The following RAB38 variants were observed in gnomAD, a reference collection of about 807,000 sequenced individuals.
RAB38 encodes ras-related protein Rab-38.
Under a neutral mutation model 18.4 loss-of-function variants are expected in RAB38, and 15 were observed. That is an observed-to-expected ratio of 0.82 (90% CI 0.55 to 1.26). The LOEUF (loss-of-function observed/expected upper bound fraction) is 1.26, where lower values mean the gene tolerates loss of function less well. Ranked by LOEUF, RAB38 falls within the 50% of genes most tolerant of loss-of-function variation. The pLI is 0.00. For synonymous variants in RAB38, 101 were observed against 104.4 expected (o/e 0.97, Z 0.20); for missense variants, 294 against 267.4 (o/e 1.10, Z -0.69).
chr11:88,103,258 G>A, the RAB38 span, among the ~76,000 whole-genome samples: 1 of 151,838 alleles, frequency 6.6e-6, no homozygotes, highest in Non-Finnish European at 1.5e-5. Flanking sequence ...TAAACTTATT[G>A]ACAAGCATTT....
Position 88,113,804 on chromosome 11 carries a change from T to C in RAB38, c.*184A>G. 4.2e-6 allele frequency: 3 copies of C among 712,506 alleles called. No individual in the cohort carries two copies. Among genetic ancestry groups the C allele is most frequent in the Non-Finnish European group, 6.8e-6 (3 of 442,076 alleles). The allele number at this position is 712,506 out of a possible 1,614,324, so 44.1% of individuals were successfully genotyped here. ...TTTCAAAAGTTTGTAAACACTGTGA[T>C]GATGGTGAGGAAAGCATAGAAAGAA... On this transcript the variant is annotated 3_prime_UTR_variant, in exon 3 of 3. Coordinates refer to ENST00000243662, the MANE Select transcript of RAB38 (RefSeq NM_022337.3).
the RAB38 span, among the ~76,000 whole-genome samples, chr11:87,807,202 A>G: frequency 1.3e-5 from 2 of 152,254 alleles, no homozygotes; most frequent in Admixed American, 6.5e-5. Context: ...ATTGTCTTCC[A>G]TGAAACCAGT....
At chr11:88,004,732 A>C in the RAB38 span, among the ~76,000 whole-genome samples, 2 of 151,366 alleles carry the variant, frequency 1.3e-5, no homozygotes, top group Non-Finnish European at 3.0e-5. Context: ...TCACATAAAA[A>C]TTTTCAAGTA....
chr11:87,974,670 T>C, the RAB38 span, among the ~76,000 whole-genome samples: 55 of 142,992 alleles, frequency 3.8e-4, no homozygotes, highest in Non-Finnish European at 6.6e-4. Context: ...CAAAAAATCA[T>C]AGTAGGATTT....
At chr11:87,887,881 C>G in the RAB38 span, among the ~76,000 whole-genome samples, 1,086 of 151,784 alleles carry the variant, frequency 7.2e-3, 8 homozygotes, top group Non-Finnish European at 0.01. Context: ...TAAGAAAAAC[C>G]AGTTTGACTA....
chr11:88,012,745 C>A, the RAB38 span, among the ~76,000 whole-genome samples: 1 of 152,062 alleles, frequency 6.6e-6, no homozygotes, highest in African/African-American at 2.4e-5. Flanking sequence ...TATATTTAGT[C>A]AAACTCCTCC....
At chr11:88,151,541 G>A (rs35537891) in intron 1 of RAB38, among the ~76,000 whole-genome samples, 3,389 of 152,256 alleles carry the variant, frequency 0.022, 126 homozygotes, top group African/African-American at 0.075. Flanking sequence ...TTTATGTTAA[G>A]AGTCTTATAA....
chr11:88,120,505 T>C (rs140614299), intron 2 of RAB38, among the ~76,000 whole-genome samples: 338 of 152,334 alleles, frequency 2.2e-3, no homozygotes, highest in Middle Eastern at 0.014. Context: ...TGCCCTATTG[T>C]ATGAAAGTTA....
chr11:87,922,835 G>A, the RAB38 span, among the ~76,000 whole-genome samples: 1 of 151,328 alleles, frequency 6.6e-6, no homozygotes, highest in South Asian at 2.1e-4. Context: ...GGGAGGGGAG[G>A]AAAAGACAGC....
At chr11:87,949,679 T>C in the RAB38 span, among the ~76,000 whole-genome samples, 2 of 152,232 alleles carry the variant, frequency 1.3e-5, no homozygotes, top group Non-Finnish European at 2.9e-5. Flanking sequence ...GGTTGTTCAG[T>C]TTCCATGTAG....
intron 2 of RAB38, among the ~76,000 whole-genome samples, chr11:88,130,671 G>A (rs1215504362): frequency 6.6e-6 from 1 of 152,090 alleles, no homozygotes; most frequent in Non-Finnish European, 1.5e-5. Flanking sequence ...AAGTAAAATG[G>A]CTAGATTTGT....
the RAB38 span, among the ~76,000 whole-genome samples, chr11:87,864,732 A>G: frequency 6.6e-6 from 1 of 151,822 alleles, no homozygotes; most frequent in Non-Finnish European, 1.5e-5. Context: ...CCTCAACACT[A>G]CATGGGTGAA....
the RAB38 span, among the ~76,000 whole-genome samples, chr11:88,010,639 GA>G: frequency 6.6e-6 from 1 of 152,056 alleles, no homozygotes; most frequent in Non-Finnish European, 1.5e-5. Context: ...ATCCTGGAGG[GA>G]TGACTCCTTA....
chr11:88,058,919 T>C, the RAB38 span, among the ~76,000 whole-genome samples: 1 of 152,206 alleles, frequency 6.6e-6, no homozygotes, highest in Non-Finnish European at 1.5e-5. Flanking sequence ...TTATAGGACT[T>C]GGCACTGCAG....
chr11:88,155,684 C>T (rs1389034717), intron 1 of RAB38, among the ~76,000 whole-genome samples: 1 of 152,052 alleles, frequency 6.6e-6, no homozygotes, highest in Non-Finnish European at 1.5e-5. Context: ...GCAAAGGTCC[C>T]TAATGAAAAT....
At chr11:87,919,042 G>A in the RAB38 span, among the ~76,000 whole-genome samples, 6 of 152,038 alleles carry the variant, frequency 3.9e-5, no homozygotes, top group Non-Finnish European at 7.4e-5. Context: ...TATAAGTGGT[G>A]AGGGATAAGG....
At chr11:87,941,223 A>ATATATATATATATATG in the RAB38 span, among the ~76,000 whole-genome samples, 2 of 111,956 alleles carry the variant, frequency 1.8e-5, no homozygotes, top group African/African-American at 6.5e-5. Flanking sequence ...AGATATATAT[A>ATATATATATATATATG]TATATATATA....
the RAB38 span, among the ~76,000 whole-genome samples, chr11:87,807,002 G>A: frequency 6.6e-6 from 1 of 152,166 alleles, no homozygotes; most frequent in Non-Finnish European, 1.5e-5. Flanking sequence ...AAGTGAGTGA[G>A]CACCACTGCC....
At chr11:88,124,308 A>T (rs1942665666) in intron 2 of RAB38, among the ~76,000 whole-genome samples, 1 of 152,230 alleles carries the variant, frequency 6.6e-6, no homozygotes, top group South Asian at 2.1e-4. Flanking sequence ...TCTGCACAGC[A>T]AAAGAAACTA....
Sources: allele counts gnomAD v4.1 joint callset (sites outside exome capture counted in the v4.1 genomes callset), GRCh38; gene constraint gnomAD v4.1.1; transcripts MANE v1.5; gene names NCBI Gene and HGNC (gene_info 2026-07-23, HGNC 2026-07-21).